KCNH7: variants seen among roughly 807,000 people sequenced by gnomAD.
KCNH7 encodes potassium voltage-gated channel subfamily H member 7.
Under a neutral mutation model 120.8 loss-of-function variants are expected in KCNH7, and 49 were observed. That is an observed-to-expected ratio of 0.41 (90% CI 0.32 to 0.51). KCNH7 has a LOEUF of 0.51. Ranked by LOEUF, KCNH7 falls within the 20% of genes least tolerant of loss-of-function variation. The probability of loss-of-function intolerance (pLI) is 0.38; values close to 1 mark genes in which losing one functional copy is unlikely to be tolerated. For missense variants in KCNH7, 1,097 were observed against 1,446.6 expected, an observed-to-expected ratio of 0.76 and a Z score of 3.92; for synonymous variants, 547 against 516.1, an observed-to-expected ratio of 1.06 and a Z score of -0.81.
intron 2 of KCNH7, among the ~76,000 whole-genome samples, chr2:162,762,050 T>C (rs1359964507): frequency 6.6e-6 from 1 of 152,060 alleles, no homozygotes; most frequent in Non-Finnish European, 1.5e-5. Context: ...ACATTCAGCG[T>C]TGCTCTCTTT....
At chr2:162,682,892 A>C in intron 2 of KCNH7, among the ~76,000 whole-genome samples, 1 of 151,992 alleles carries the variant, frequency 6.6e-6, no homozygotes, top group Middle Eastern at 3.4e-3. Context: ...CAGACAATAA[A>C]TGATTTCTCA....
intron 2 of KCNH7, among the ~76,000 whole-genome samples, chr2:162,770,719 T>A (rs1683016669): frequency 6.6e-6 from 1 of 152,154 alleles, no homozygotes; most frequent in Non-Finnish European, 1.5e-5. Context: ...CTTCCTCTTA[T>A]GTTCTTGTGT....
chr2:162,695,808 T>C (rs1262396262), intron 2 of KCNH7, among the ~76,000 whole-genome samples: 2 of 152,056 alleles, frequency 1.3e-5, no homozygotes, highest in Non-Finnish European at 2.9e-5. Context: ...TCCAACTGGA[T>C]ATTGACAACA....
intron 2 of KCNH7, among the ~76,000 whole-genome samples, chr2:162,779,933 G>A (rs186945854): frequency 6.6e-6 from 1 of 152,268 alleles, no homozygotes; most frequent in African/African-American, 2.4e-5. Context: ...AGGTACATGT[G>A]TGTTTTCTCC....
intron 6 of KCNH7, among the ~76,000 whole-genome samples, chr2:162,502,837 G>C (rs1422597219): frequency 6.6e-6 from 1 of 151,938 alleles, no homozygotes; most frequent in African/African-American, 2.4e-5. Context: ...TGGCCTCTGT[G>C]GTGGACCAAG....
intron 6 of KCNH7, among the ~76,000 whole-genome samples, chr2:162,493,296 A>G (rs750083323): frequency 5.3e-5 from 8 of 152,184 alleles, no homozygotes; most frequent in Non-Finnish European, 8.8e-5. Context: ...TGATGGTTAT[A>G]TAGAAATAGA....
At chr2:162,777,580 G>A (rs556970628) in intron 2 of KCNH7, among the ~76,000 whole-genome samples, 9 of 152,214 alleles carry the variant, frequency 5.9e-5, no homozygotes, top group African/African-American at 1.9e-4. Context: ...TCCTATATAA[G>A]CCAAGCACTA....
intron 2 of KCNH7, among the ~76,000 whole-genome samples, chr2:162,727,655 T>A (rs1263548368): frequency 1.3e-5 from 2 of 152,208 alleles, no homozygotes; most frequent in Non-Finnish European, 2.9e-5. Flanking sequence ...ATCCATGTTG[T>A]TACTGTCTCC....
intron 2 of KCNH7, among the ~76,000 whole-genome samples, chr2:162,686,905 T>A (rs1685911946): frequency 6.6e-6 from 1 of 151,772 alleles, no homozygotes; most frequent in African/African-American, 2.4e-5. Context: ...ATACTCCAGA[T>A]CCCCAGTAAA....
At chr2:162,654,920 A>G (rs548400457) in intron 2 of KCNH7, among the ~76,000 whole-genome samples, 52 of 152,292 alleles carry the variant, frequency 3.4e-4, no homozygotes, top group Admixed American at 2.2e-3. Flanking sequence ...TGTGTGGAAT[A>G]TAAGAAAGCT....
At chr2:162,477,127 T>G (rs1207663903) in intron 6 of KCNH7, among the ~76,000 whole-genome samples, 1 of 152,230 alleles carries the variant, frequency 6.6e-6, no homozygotes, top group East Asian at 1.9e-4. Flanking sequence ...GAAAGAGAAG[T>G]ATAAAATTCT....
chr2:162,622,695 T>C (rs1286515499), intron 2 of KCNH7, among the ~76,000 whole-genome samples: 1 of 152,180 alleles, frequency 6.6e-6, no homozygotes, highest in African/African-American at 2.4e-5. Flanking sequence ...TATTTATGTA[T>C]GTGCCACTAA....
chr2:162,463,702 T>C (rs771061075), intron 6 of KCNH7, among the ~76,000 whole-genome samples: 54 of 151,932 alleles, frequency 3.6e-4, no homozygotes, highest in Middle Eastern at 6.8e-3. Flanking sequence ...TTGAAAAATA[T>C]CTTTCTAGGA....
intron 2 of KCNH7, among the ~76,000 whole-genome samples, chr2:162,575,589 T>C (rs1693641900): frequency 6.6e-5 from 10 of 152,036 alleles, no homozygotes; most frequent in Admixed American, 6.6e-4. Context: ...TTCCTGAATG[T>C]TATATCCTAC....
chr2:162,426,045 C>A (rs1687850479), intron 8 of KCNH7, among the ~76,000 whole-genome samples: 2 of 151,924 alleles, frequency 1.3e-5, no homozygotes, highest in South Asian at 4.1e-4. Context: ...AAAACCCCAT[C>A]TCTACAACAA....
intron 2 of KCNH7, among the ~76,000 whole-genome samples, chr2:162,570,594 G>C (rs968392810): frequency 6.6e-6 from 1 of 151,946 alleles, no homozygotes; most frequent in African/African-American, 2.4e-5. Flanking sequence ...TGGTTATTTT[G>C]CTCGTTAGTT....
At chr2:162,486,055 T>C (rs990410377) in intron 6 of KCNH7, among the ~76,000 whole-genome samples, 8 of 152,194 alleles carry the variant, frequency 5.3e-5, no homozygotes, top group Admixed American at 4.6e-4. Flanking sequence ...GAAGTAGATC[T>C]GGTTGCAGAC....
chr2:162,449,500 A>C (rs1022630987), intron 6 of KCNH7, among the ~76,000 whole-genome samples: 1 of 152,020 alleles, frequency 6.6e-6, no homozygotes, highest in African/African-American at 2.4e-5. Flanking sequence ...TGTAGATATA[A>C]ATCAAGTTAA....
chr2:162,612,964 G>T (rs1265324980), intron 2 of KCNH7, among the ~76,000 whole-genome samples: 2 of 151,950 alleles, frequency 1.3e-5, no homozygotes, highest in Non-Finnish European at 2.9e-5. Context: ...TGAAAAATAT[G>T]ACAGTTTAAG....
Sources: gnomAD v4.1 joint callset for allele counts (sites outside exome capture counted in the v4.1 genomes callset) on GRCh38, gnomAD v4.1.1 for gene constraint, MANE v1.5 for transcripts, NCBI Gene and HGNC (gene_info 2026-07-23, HGNC 2026-07-21) for gene names.